Variants in TMEM108 observed in about 807,000 individuals in gnomAD.
TMEM108 encodes cancer/testis antigen 124.
Under a neutral mutation model 35.1 loss-of-function variants are expected in TMEM108, and 12 were observed. The ratio of observed to expected loss-of-function variants is 0.34; its 90% CI spans 0.22 to 0.55. TMEM108 has a LOEUF of 0.55. TMEM108 is among the 20% of genes least tolerant of loss of function. The probability of loss-of-function intolerance (pLI) is 0.89; values close to 1 mark genes in which losing one functional copy is unlikely to be tolerated. For missense variants in TMEM108, 680 were observed against 753.3 expected (o/e 0.90, Z 1.14); for synonymous variants, 287 against 308.6 (o/e 0.93, Z 0.73).
intron 3 of TMEM108, among the ~76,000 whole-genome samples, chr3:133,310,530 C>CTTTTTTTTTTTTTTTTTTTTTTTTT (rs59215786): frequency 9.0e-5 from 2 of 22,212 alleles, no homozygotes; most frequent in African/African-American, 3.1e-4. Flanking sequence ...GCAACCCCTG[C>CTTTTTTTTTTTTTTTTTTTTTTTTT]TTTTTTTTTT....
At chr3:133,179,052 A>G (rs1945286882) in intron 2 of TMEM108, among the ~76,000 whole-genome samples, 2 of 152,220 alleles carry the variant, frequency 1.3e-5, no homozygotes, top group African/African-American at 4.8e-5. Flanking sequence ...GACACATGAA[A>G]AAATGCTCAT....
intron 2 of TMEM108, among the ~76,000 whole-genome samples, chr3:133,119,663 A>G (rs1353638742): frequency 6.6e-6 from 1 of 152,158 alleles, no homozygotes; most frequent in Admixed American, 6.5e-5. Flanking sequence ...CTAACTATCT[A>G]CTGATTATGA....
intron 2 of TMEM108, among the ~76,000 whole-genome samples, chr3:133,052,459 A>G (rs1447293394): frequency 6.7e-6 from 1 of 149,834 alleles, no homozygotes; most frequent in Admixed American, 6.6e-5. Flanking sequence ...TTCCTTCCCA[A>G]TCTGTATTCC....
chr3:133,222,978 G>T (rs903949420), intron 2 of TMEM108, among the ~76,000 whole-genome samples: 1 of 151,984 alleles, frequency 6.6e-6, no homozygotes, highest in Non-Finnish European at 1.5e-5. Flanking sequence ...ACATCACCAT[G>T]CCCAGCTAAT....
At chr3:133,262,535 A>G (rs1576419498) in intron 3 of TMEM108, among the ~76,000 whole-genome samples, 2 of 152,352 alleles carry the variant, frequency 1.3e-5, no homozygotes, top group African/African-American at 4.8e-5. Flanking sequence ...TGGGAGAGAC[A>G]TAGCAGTGAG....
intron 3 of TMEM108, among the ~76,000 whole-genome samples, chr3:133,281,522 C>A (rs1228185575): frequency 6.6e-6 from 1 of 152,172 alleles, no homozygotes; most frequent in East Asian, 1.9e-4. Flanking sequence ...CCAAGGACAG[C>A]GTAGTTTAGT....
intron 2 of TMEM108, among the ~76,000 whole-genome samples, chr3:133,101,775 T>C (rs1944090899): frequency 6.6e-6 from 1 of 152,268 alleles, no homozygotes. Flanking sequence ...CCTTTGAATG[T>C]GGTTCCACCA....
intron 2 of TMEM108, among the ~76,000 whole-genome samples, chr3:133,158,367 C>T (rs955468131): frequency 3.4e-5 from 5 of 148,272 alleles, no homozygotes; most frequent in Non-Finnish European, 7.4e-5. Flanking sequence ...ATTTGAGAGG[C>T]TGAGGCAGGA....
At chr3:133,364,481 T>C (rs981232003) in intron 3 of TMEM108, among the ~76,000 whole-genome samples, 10 of 152,176 alleles carry the variant, frequency 6.6e-5, no homozygotes, top group African/African-American at 1.9e-4. Context: ...ATTTTAAAAT[T>C]AAATTTGAAA....
intron 2 of TMEM108, among the ~76,000 whole-genome samples, chr3:133,196,298 A>G (rs949861370): frequency 1.3e-5 from 2 of 152,202 alleles, no homozygotes; most frequent in African/African-American, 4.8e-5. Flanking sequence ...AGATATTTTG[A>G]ATAGGGCTCC....
At chr3:133,140,809 T>G (rs994394469) in intron 2 of TMEM108, among the ~76,000 whole-genome samples, 1 of 152,206 alleles carries the variant, frequency 6.6e-6, no homozygotes. Context: ...AAGAATGGGA[T>G]AGAAACTAGT....
intron 2 of TMEM108, among the ~76,000 whole-genome samples, chr3:133,227,080 C>T (rs999491215): frequency 6.6e-6 from 1 of 152,048 alleles, no homozygotes; most frequent in African/African-American, 2.4e-5. Context: ...AGGTCCTTCC[C>T]ACAACATGTG....
intron 2 of TMEM108, among the ~76,000 whole-genome samples, chr3:133,137,758 C>A (rs1321292039): frequency 6.6e-6 from 1 of 152,042 alleles, no homozygotes; most frequent in African/African-American, 2.4e-5. Flanking sequence ...ACGGATGGGC[C>A]AAATGGGACA....
chr3:133,325,580 G>C (rs1576456875), intron 3 of TMEM108, among the ~76,000 whole-genome samples: 1 of 152,226 alleles, frequency 6.6e-6, no homozygotes, highest in South Asian at 2.1e-4. Flanking sequence ...ATGTTAGCCA[G>C]ATGTAGTGGC....
At chr3:133,234,842 C>G (rs1200217214) in intron 3 of TMEM108, among the ~76,000 whole-genome samples, 2 of 152,152 alleles carry the variant, frequency 1.3e-5, no homozygotes, top group African/African-American at 2.4e-5. Context: ...GATTGTATAT[C>G]TAGAAAACCC....
At chr3:133,104,753 G>C (rs1490708238) in intron 2 of TMEM108, among the ~76,000 whole-genome samples, 1 of 152,152 alleles carries the variant, frequency 6.6e-6, no homozygotes, top group African/African-American at 2.4e-5. Flanking sequence ...GTGTTCTCTA[G>C]CACCTCACAG....
At chr3:133,250,551 T>C (rs1946453505) in intron 3 of TMEM108, among the ~76,000 whole-genome samples, 1 of 152,236 alleles carries the variant, frequency 6.6e-6, no homozygotes, top group Non-Finnish European at 1.5e-5. Context: ...ATGTGGATTT[T>C]CAACTGTGCA....
At chr3:133,086,216 T>C (rs1943879981) in intron 2 of TMEM108, among the ~76,000 whole-genome samples, 1 of 152,208 alleles carries the variant, frequency 6.6e-6, no homozygotes, top group African/African-American at 2.4e-5. Context: ...CTATCCATCA[T>C]TGAAATCAGC....
rs151083377 is a variant in TMEM108, at chr3:133,380,909, G to A, written c.1198G>A (p.Ala400Thr). The A allele has an allele frequency of 5.0e-6, 8 of 1,614,052 alleles. No homozygotes were observed. In the African/African-American group the frequency reaches 1.1e-4, roughly 22 times the overall value. Reference protein sequence around the residue: ...SRVSESTISGAKEETVATLTM... With the variant: ...SRVSESTISGTKEETVATLTM... ...GGTCTCAGAAAGCACTATTTCTGGA[G>A]CCAAGGAGGAGACTGTGGCCACCCT... The change falls in exon 4 of 6, where the codon GCC becomes ACC. Residue 400 changes from alanine (A) to threonine (T), a missense_variant. Around this residue, in one of 3 missense-constraint regions of TMEM108, gnomAD observed 526 missense variants for 532.1 expected, o/e 0.99. Transcript: ENST00000321871. The surrounding 1 kb of genome is among the most constrained non-coding windows in gnomAD (Gnocchi z 5.3).
Sources: allele counts gnomAD v4.1 joint callset (sites outside exome capture counted in the v4.1 genomes callset), GRCh38; gene constraint gnomAD v4.1.1; regional missense constraint gnomAD v4.1.1; non-coding constraint Gnocchi (gnomAD v3.1); transcripts MANE v1.5; gene names NCBI Gene and HGNC (gene_info 2026-07-23, HGNC 2026-07-21).